The following AVEN variants were observed in gnomAD, a reference collection of about 807,000 sequenced individuals.
AVEN encodes apoptosis and caspase activation inhibitor, also known as cell death regulator Aven.
A neutral mutation model predicts 38.1 loss-of-function variants in AVEN; 41 were observed. That is an observed-to-expected ratio of 1.08 (90% CI 0.84 to 1.40). AVEN has a LOEUF of 1.40. Among genes scored for constraint, AVEN ranks in the 40% most tolerant of loss-of-function variants. AVEN has a pLI of 0.00. For synonymous variants in AVEN, 206 were observed against 171.8 expected (o/e 1.20, Z -1.56); for missense variants, 605 against 438.8 (o/e 1.38, Z -3.38).
At chr15:33,996,996 C>G (rs541315173) in intron 2 of AVEN, among the ~76,000 whole-genome samples, 3 of 152,098 alleles carry the variant, frequency 2.0e-5, no homozygotes, top group African/African-American at 4.8e-5. Flanking sequence ...GAATAAACAG[C>G]GTAGAGAAGA....
intron 11 of AVEN, chr15:33,859,778 C>G: frequency 3.9e-6 from 6 of 1,541,560 alleles, no homozygotes; most frequent in Middle Eastern, 1.9e-4. Flanking sequence ...TAATCTAGTT[C>G]TTTTTGCTTT....
chr15:33,896,410 A>G (rs1453401912), intron 2 of AVEN, among the ~76,000 whole-genome samples: 2 of 152,104 alleles, frequency 1.3e-5, no homozygotes, highest in East Asian at 3.8e-4. Context: ...TACACTCTAT[A>G]CTTCAACTGT....
At chr15:34,052,428 A>G (rs1899957295) in intron 5 of AVEN, among the ~76,000 whole-genome samples, 1 of 152,232 alleles carries the variant, frequency 6.6e-6, no homozygotes, top group African/African-American at 2.4e-5. Flanking sequence ...TCCCCATGAA[A>G]ACCAGCACAA....
chr15:33,895,078 T>C (rs1427088490), intron 2 of AVEN, among the ~76,000 whole-genome samples: 1 of 152,056 alleles, frequency 6.6e-6, no homozygotes, highest in Non-Finnish European at 1.5e-5. Flanking sequence ...CTCTAGTGCT[T>C]AGTGTCATAG....
At chr15:33,901,426 T>C (rs1018748183) in intron 2 of AVEN, among the ~76,000 whole-genome samples, 2 of 152,348 alleles carry the variant, frequency 1.3e-5, no homozygotes, top group Non-Finnish European at 2.9e-5. Context: ...GACACTCACA[T>C]TGTCTCCATA....
chr15:34,047,398 C>T (rs1045408911), intron 5 of AVEN, among the ~76,000 whole-genome samples: 42 of 152,110 alleles, frequency 2.8e-4, no homozygotes, highest in African/African-American at 9.7e-4. Flanking sequence ...GTTTTACATA[C>T]TCCAACGCTG....
chr15:33,911,924 C>A (rs1892932639), intron 2 of AVEN, among the ~76,000 whole-genome samples: 2 of 152,102 alleles, frequency 1.3e-5, no homozygotes, highest in Admixed American at 1.3e-4. Flanking sequence ...CAAGTCAGTT[C>A]ACTATTTTTA....
intron 1 of AVEN, among the ~76,000 whole-genome samples, chr15:34,018,777 C>G (rs958058448): frequency 6.6e-6 from 1 of 152,184 alleles, no homozygotes; most frequent in African/African-American, 2.4e-5. Flanking sequence ...GCTAATTGGT[C>G]CATTTACAGA....
chr15:33,853,699 A>G, the AVEN span: 5 of 1,609,344 alleles, frequency 3.1e-6, no homozygotes, highest in African/African-American at 5.3e-5. Context: ...AAAGCTTAGG[A>G]GTTCAAATCC....
At chr15:33,891,397 G>A (rs1012098415) in intron 2 of AVEN, among the ~76,000 whole-genome samples, 2 of 151,990 alleles carry the variant, frequency 1.3e-5, no homozygotes, top group Non-Finnish European at 1.5e-5. Flanking sequence ...CCCACCCCCT[G>A]ACGGGCCCTG....
At chr15:33,979,236 G>A (rs1315567231) in intron 2 of AVEN, among the ~76,000 whole-genome samples, 2 of 152,096 alleles carry the variant, frequency 1.3e-5, no homozygotes, top group Admixed American at 6.5e-5. Context: ...AAGACTGCAC[G>A]GTTGGCCAGG....
At chr15:33,864,125 T>C, downstream of AVEN, 1 of 1,601,770 alleles carries the variant, frequency 6.2e-7, no homozygotes, top group Non-Finnish European at 8.5e-7. Context: ...ATACTATCTT[T>C]TCCTCGTTCC....
At position 33,871,774 on chromosome 15, in the gene AVEN, C is replaced by CAAAAAAAAAAAAAAAAAAA. The variant is rs55793582; in HGVS notation, c.517-745_517-744insTTTTTTTTTTTTTTTTTTT. On this transcript the variant is annotated intron_variant, in intron 3 of 5. Coordinates refer to ENST00000306730, the MANE Select transcript of AVEN (RefSeq NM_020371.3). ...AAGGTTTCAAACGAGCTAGTCTCCT[C>CAAAAAAAAAAAAAAAAAAA]AAAAAAAAAAAAAAAAAGCCACTTT... 2.1e-3 allele frequency among the ~76,000 whole-genome samples: 195 copies of CAAAAAAAAAAAAAAAAAAA among 91,566 alleles called. 7 individuals carry two copies. Among genetic ancestry groups the CAAAAAAAAAAAAAAAAAAA allele is most frequent in the Non-Finnish European group, 3.2e-3 (141 of 44,392 alleles). 60.1% of individuals were successfully genotyped at this position (91,566 alleles called of 152,430 possible).
chr15:33,940,546 T>TC (rs1894275355), intron 2 of AVEN, among the ~76,000 whole-genome samples: 1 of 151,506 alleles, frequency 6.6e-6, no homozygotes, highest in South Asian at 2.1e-4. Flanking sequence ...GATGTGAAAT[T>TC]CCTTTTTTTT....
chr15:34,029,381 G>A (rs1198285490), intron 1 of AVEN, among the ~76,000 whole-genome samples: 1 of 151,784 alleles, frequency 6.6e-6, no homozygotes, highest in Non-Finnish European at 1.5e-5. Context: ...AATAAGAGGG[G>A]GAAAAAAAAG....
At chr15:33,887,963 G>A (rs1234575387) in intron 2 of AVEN, among the ~76,000 whole-genome samples, 1 of 152,108 alleles carries the variant, frequency 6.6e-6, no homozygotes, top group East Asian at 1.9e-4. Flanking sequence ...CAGCAATCTT[G>A]CAACCACACC....
intron 2 of AVEN, among the ~76,000 whole-genome samples, chr15:33,979,694 G>GA (rs1290549778): frequency 2.0e-5 from 3 of 152,116 alleles, no homozygotes; most frequent in African/African-American, 7.2e-5. Context: ...TGAAGAGTGA[G>GA]AAAAAAGACA....
intron 2 of AVEN, among the ~76,000 whole-genome samples, chr15:33,895,257 T>A (rs1356772703): frequency 7.0e-6 from 1 of 142,946 alleles, no homozygotes; most frequent in Non-Finnish European, 1.5e-5. Flanking sequence ...TCTTCTGCAA[T>A]GGTTTATATT....
chr15:33,980,650 C>T (rs1896097737), intron 2 of AVEN, among the ~76,000 whole-genome samples: 1 of 152,160 alleles, frequency 6.6e-6, no homozygotes, highest in Admixed American at 6.5e-5. Flanking sequence ...GAGTGACACA[C>T]AGAAAAGAGA....
Sources: allele counts gnomAD v4.1 joint callset (sites outside exome capture counted in the v4.1 genomes callset), GRCh38; gene constraint gnomAD v4.1.1; transcripts MANE v1.5; gene names NCBI Gene and HGNC (gene_info 2026-07-23, HGNC 2026-07-21).